The following NKX1-1 variants were observed in gnomAD, a reference collection of about 807,000 sequenced individuals.
NKX1-1 encodes NK1 homeobox 1.
NKX1-1 carries 7 observed loss-of-function variants against 1.7 expected under a neutral mutation model. The observed-to-expected ratio is 4.22, with a 90% confidence interval of 2.40 to 7.92. The LOEUF (loss-of-function observed/expected upper bound fraction) is 7.92, where lower values mean the gene tolerates loss of function less well. NKX1-1 is among the 30% of genes most tolerant of loss of function. The probability of loss-of-function intolerance (pLI) is 0.00; values close to 1 mark genes in which losing one functional copy is unlikely to be tolerated. For synonymous variants in NKX1-1, 242 were observed against 85.3 expected (o/e 2.84, Z -10.13); for missense variants, 453 against 171.5 (o/e 2.64, Z -9.17).
At position 1,403,745 on chromosome 4, in the gene NKX1-1, G is replaced by T; in HGVS notation, c.534C>A (p.Gly178=). 1.5e-6 allele frequency: 1 copy of T among 682,872 alleles called. No homozygotes were observed. The highest frequency in any genetic ancestry group is 2.7e-6 in the Non-Finnish European group (1 of 377,330). The allele number at this position is 682,872 out of a possible 1,614,324, so 42.3% of individuals were successfully genotyped here. Residue 178 remains glycine, a synonymous_variant, in exon 2 of 2, where the codon GGC becomes GGA. Coordinates refer to ENST00000422806, the MANE Select transcript of NKX1-1 (RefSeq NM_001290079.1). ...NDTNGYSSGG[G]GHSPSADSGD... is the part of the protein sequence containing the mutation. ...CGCTGTCCGCGCTCGGGCTGTGGCC[G>T]CCGCCGCCGCTGCTGTAGCCGTTGG... is the stretch of plus-strand genomic sequence containing the variant.
intron 1 of NKX1-1, among the ~76,000 whole-genome samples, chr4:1,405,062 C>T (rs538163433): frequency 6.6e-6 from 1 of 152,248 alleles, no homozygotes; most frequent in Admixed American, 6.5e-5. Context: ...GCGCAGCCGC[C>T]GCAGAGTCCG....
intron 1 of NKX1-1, 24 bp downstream of exon 1, chr4:1,405,956 T>G (rs1356966622): frequency 1.1e-5 from 5 of 448,494 alleles, no homozygotes; most frequent in Non-Finnish European, 1.9e-5. Flanking sequence ...CCCTGCGACC[T>G]GGTGCCGGGC....
In NKX1-1 at chr4:1,403,387, G is replaced by T; in HGVS notation, c.892C>A (p.Arg298=). The change falls in exon 2 of 2, where the codon CGA becomes AGA. Residue 298 remains arginine, a synonymous_variant. Transcript: ENST00000422806. ...GSDSKSGKPR[R]ARTAFTYEQL... ...TCGTAGGTGAAGGCGGTGCGCGCTCGCCGCGGCTTCCCGGACTTGGAGTCG... is the reference window on the plus strand; with the variant it reads ...TCGTAGGTGAAGGCGGTGCGCGCTCTCCGCGGCTTCCCGGACTTGGAGTCG... 2 of 688,674 alleles carry T rather than the reference G, an allele frequency of 2.9e-6. No individual in the cohort carries two copies. Among genetic ancestry groups the T allele is most frequent in the Non-Finnish European group, 5.2e-6 (2 of 388,080 alleles). 42.7% of individuals were successfully genotyped at this position (688,674 alleles called of 1,614,324 possible).
At chr4:1,404,248 T>C (rs1720713483) in intron 1 of NKX1-1, among the ~76,000 whole-genome samples, 3 of 152,264 alleles carry the variant, frequency 2.0e-5, no homozygotes, top group East Asian at 1.9e-4. Context: ...GTTAAGGCCA[T>C]TTAATTTATT....
Position 1,406,202 on chromosome 4 carries a change from A to G in NKX1-1, c.241T>C (p.Ser81Pro). 1 of 582,570 alleles carries G rather than the reference A, an allele frequency of 1.7e-6. No homozygotes were observed. Among genetic ancestry groups the G allele is most frequent in the Admixed American group, 3.1e-5 (1 of 32,688 alleles). The allele number at this position is 582,570 out of a possible 1,614,324, so 36.1% of individuals were successfully genotyped here. The change falls in exon 1 of 2, where the codon TCC becomes CCC. Residue 81 changes from serine (S) to proline (P), a missense_variant. Ser to Pro is a moderately conservative substitution (Grantham distance 74). Transcript: ENST00000422806. ...TCCAGGATGTCCAGTACCGAGAAGG[A>G]GGTGGGGCGCAGGGGCGCTGCGGGC... The part of the protein sequence containing the change: ...ARPAAPLRPT[S>P]FSVLDILDPN...
chr4:1,405,741 C>T (rs576439662), intron 1 of NKX1-1, among the ~76,000 whole-genome samples: 13 of 152,328 alleles, frequency 8.5e-5, no homozygotes, highest in African/African-American at 2.9e-4. Flanking sequence ...CCTCACAGCC[C>T]TGCAGCCCCT....
At chr4:1,404,784 C>A (rs1200538314) in intron 1 of NKX1-1, among the ~76,000 whole-genome samples, 2 of 152,216 alleles carry the variant, frequency 1.3e-5, no homozygotes, top group Non-Finnish European at 2.9e-5. Flanking sequence ...AGGTCGGAAC[C>A]GAAATCTCCG....
intron 1 of NKX1-1, among the ~76,000 whole-genome samples, 180 bp downstream of exon 1, chr4:1,405,791 ATGCAGGCCC>A (rs1720738804): frequency 6.6e-6 from 1 of 152,218 alleles, no homozygotes; most frequent in Non-Finnish European, 1.5e-5. Context: ...GAGCCTGGCG[ATGCAGGCCC>A]TGCAGTCCGG....
In NKX1-1 at chr4:1,406,371, C is replaced by T. The variant is rs968973144; in HGVS notation, c.72G>A (p.Gly24=). ...CGGCGGCGGGAGCGGGCGGTGCGGG[C>T]CCCGAACCTGGCTGGGGAGGCGGCG... The part of the protein sequence containing the change: ...ALPPPPQPGS[G]PAPPAPAAAA... Residue 24 remains glycine, a synonymous_variant, in exon 1 of 2, where the codon GGG becomes GGA. Transcript: ENST00000422806. The T allele has an allele frequency of 1.1e-4, 39 of 358,494 alleles. No homozygotes were observed. The highest frequency in any genetic ancestry group is 6.9e-4 in the African/African-American group (32 of 46,554). 22.2% of individuals were successfully genotyped at this position (358,494 alleles called of 1,614,324 possible). A position where few individuals can be genotyped will look rare whatever the true frequency, so the allele number is the denominator to read the frequency against.
chr4:1,404,062 T>C (rs1405338857), intron 1 of NKX1-1, among the ~76,000 whole-genome samples: 1 of 151,866 alleles, frequency 6.6e-6, no homozygotes, highest in Non-Finnish European at 1.5e-5. Flanking sequence ...ATGGAGAGGG[T>C]CCCCCTCGCC....
At chr4:1,405,910 A>C in intron 1 of NKX1-1, 70 bp downstream of exon 1, 1 of 416,968 alleles carries the variant, frequency 2.4e-6, no homozygotes, top group Non-Finnish European at 4.2e-6. Context: ...ACGGTGTCCC[A>C]GGGTCGTAAA....
Position 1,405,961 on chromosome 4 carries a change from C to T in NKX1-1, c.463+19G>A. The T allele has an allele frequency of 2.2e-6, 1 of 451,766 alleles. No individual in the cohort carries two copies. Among genetic ancestry groups the T allele is most frequent in the Non-Finnish European group, 3.9e-6 (1 of 259,098 alleles). The allele number at this position is 451,766 out of a possible 1,614,324, so 28.0% of individuals were successfully genotyped here. A position where few individuals can be genotyped will look rare whatever the true frequency, so the allele number is the denominator to read the frequency against. ...GGTCCCCCGTCCCTGCGACCTGGTG[C>T]CGGGCGCATCCTACTCACTCGGCGG... On this transcript the variant is annotated intron_variant, in intron 1 of 1. Coordinates refer to ENST00000422806, the MANE Select transcript of NKX1-1 (RefSeq NM_001290079.1).
rs1480235048 is a variant in NKX1-1, at chr4:1,402,960, G to C, written c.1319C>G (p.Ala440Gly). Residue 440 changes from alanine (A) to glycine (G), a missense_variant, in exon 2 of 2, where the codon GCG becomes GGG. Physicochemically the swap from Ala to Gly is moderately conservative, Grantham distance 60. Coordinates refer to ENST00000422806, the MANE Select transcript of NKX1-1 (RefSeq NM_001290079.1). ...GAGGTGCGGCGCGTAGAAGGCGGGC[G>C]CCCCGTAGGTCTGCGAGCCCAGCAC... ...PFVLGSQTYG[A>G]PAFYAPHL is the part of the protein sequence containing the mutation. 7 of 665,114 alleles carry C rather than the reference G, an allele frequency of 1.1e-5. No homozygotes were observed. The Admixed American group carries it at 1.5e-4, about 14-fold the overall frequency. The allele number at this position is 665,114 out of a possible 1,614,324, so 41.2% of individuals were successfully genotyped here. A position where few individuals can be genotyped will look rare whatever the true frequency, so the allele number is the denominator to read the frequency against.
rs1193349325 is a variant in NKX1-1, at chr4:1,406,161, G to A, written c.282C>T (p.Asn94=). 4.8e-6 allele frequency: 3 copies of A among 619,778 alleles called. No individual in the cohort carries two copies. The highest frequency in any genetic ancestry group is 8.7e-6 in the Non-Finnish European group (3 of 345,782). The allele number at this position is 619,778 out of a possible 1,614,324, so 38.4% of individuals were successfully genotyped here. A position where few individuals can be genotyped will look rare whatever the true frequency, so the allele number is the denominator to read the frequency against. The part of the protein sequence containing the change: ...VLDILDPNKF[N]SRRRRCVLLG... The stretch of plus-strand genomic sequence containing the variant: ...GCAGCACGCAACGACGCCTCCTGCT[G>A]TTGAACTTGTTGGGGTCCAGGATGT... Residue 94 remains asparagine, a synonymous_variant, in exon 1 of 2, where the codon AAC becomes AAT. Transcript: ENST00000422806.
At chr4:1,404,433 G>A (rs1720717133) in intron 1 of NKX1-1, among the ~76,000 whole-genome samples, 1 of 152,098 alleles carries the variant, frequency 6.6e-6, no homozygotes, top group Non-Finnish European at 1.5e-5. Context: ...AGCTTCGGTC[G>A]CGAGGGTCAG....
Position 1,403,070 on chromosome 4 carries a change from G to C in NKX1-1, c.1209C>G (p.Ala403=). The change falls in exon 2 of 2, where the codon GCC becomes GCG. Residue 403 remains alanine, a synonymous_variant. Coordinates refer to ENST00000422806, the MANE Select transcript of NKX1-1 (RefSeq NM_001290079.1). ...MGAPLGMHGP[A]GYPAHGPGGL... is the part of the protein sequence containing the mutation. ...CTCCGGGGCCGTGCGCCGGGTACCC[G>C]GCCGGGCCGTGCATGCCGAGCGGGG... is the stretch of plus-strand genomic sequence containing the variant. 4.1e-6 allele frequency: 2 copies of C among 484,126 alleles called. No individual in the cohort carries two copies. The highest frequency in any genetic ancestry group is 7.2e-6 in the Non-Finnish European group (2 of 276,146). 30.0% of individuals were successfully genotyped at this position (484,126 alleles called of 1,614,324 possible). A position where few individuals can be genotyped will look rare whatever the true frequency, so the allele number is the denominator to read the frequency against.
chr4:1,404,163 C>A (rs1209168544), intron 1 of NKX1-1, among the ~76,000 whole-genome samples: 3 of 152,218 alleles, frequency 2.0e-5, no homozygotes, highest in Non-Finnish European at 4.4e-5. Flanking sequence ...GAGATCACAG[C>A]GGAGTGGAAG....
At chr4:1,403,968 T>C (rs1720704995) in intron 1 of NKX1-1, among the ~76,000 whole-genome samples, 153 bp from the exon 2 acceptor site, 3 of 150,512 alleles carry the variant, frequency 2.0e-5, no homozygotes, top group African/African-American at 4.9e-5. Context: ...CTCTCTCTCC[T>C]TCGCTCTGTC....
rs1004769413 is a variant in NKX1-1 at position 1,403,641 on chromosome 4, GCCT to G, written c.635_637del (p.Glu212del). The G allele has an allele frequency of 3.6e-6, 2 of 557,158 alleles. No homozygotes were observed. Among genetic ancestry groups the G allele is most frequent in the African/African-American group, 4.0e-5 (2 of 50,182 alleles). The allele number at this position is 557,158 out of a possible 1,614,324, so 34.5% of individuals were successfully genotyped here. ...CCCGAGGCCGCCGCCGCCTCCCCGCGCCTCCTCCGCGCCTCGCGCCGCCTCCGT... is the reference window on the plus strand; with the variant it reads ...CCCGAGGCCGCCGCCGCCTCCCCGCGCCTCCGCGCCTCGCGCCGCCTCCGT... On this transcript the variant is annotated inframe_deletion, in exon 2 of 2. Coordinates refer to ENST00000422806, the MANE Select transcript of NKX1-1 (RefSeq NM_001290079.1).
Sources: allele counts gnomAD v4.1 joint callset (sites outside exome capture counted in the v4.1 genomes callset), GRCh38; gene constraint gnomAD v4.1.1; transcripts MANE v1.5; gene names NCBI Gene and HGNC (gene_info 2026-07-23, HGNC 2026-07-21).